CSRNP3: variants seen among roughly 807,000 people sequenced by gnomAD.
CSRNP3 encodes the protein cysteine and serine rich nuclear protein 3.
CSRNP3 carries 12 observed loss-of-function variants against 48.0 expected under a neutral mutation model. That is an observed-to-expected ratio of 0.25 (90% CI 0.16 to 0.41). The LOEUF is 0.41. Among genes scored for constraint, CSRNP3 ranks in the 10% least tolerant of loss-of-function variants. The probability of loss-of-function intolerance (pLI) is 1.00; values close to 1 mark genes in which losing one functional copy is unlikely to be tolerated. For synonymous variants in CSRNP3, 263 were observed against 269.7 expected (o/e 0.98, Z 0.24); for missense variants, 580 against 724.4 (o/e 0.80, Z 2.29).
intron 3 of CSRNP3, among the ~76,000 whole-genome samples, chr2:165,567,400 C>T (rs1443704798): frequency 1.3e-5 from 2 of 152,084 alleles, no homozygotes; most frequent in Admixed American, 6.6e-5. Context: ...TTCTCTGTGT[C>T]ACTTTGTATA....
intron 2 of CSRNP3, among the ~76,000 whole-genome samples, chr2:165,509,371 A>G (rs1684469299): frequency 6.6e-6 from 1 of 152,132 alleles, no homozygotes; most frequent in South Asian, 2.1e-4. Flanking sequence ...CAAATGTAAG[A>G]TGTCAGAAAA....
intron 4 of CSRNP3, among the ~76,000 whole-genome samples, chr2:165,623,076 A>T (rs540020285): frequency 6.6e-6 from 1 of 152,334 alleles, no homozygotes; most frequent in South Asian, 2.1e-4. Flanking sequence ...TATTTAAAAC[A>T]TAAATAAATA....
chr2:165,624,292 G>A (rs1686391323), intron 4 of CSRNP3, among the ~76,000 whole-genome samples: 1 of 152,118 alleles, frequency 6.6e-6, no homozygotes. Context: ...CTGAATATAT[G>A]CACCCCACAC....
chr2:165,548,407 A>G (rs965551558), intron 3 of CSRNP3, among the ~76,000 whole-genome samples: 1 of 152,108 alleles, frequency 6.6e-6, no homozygotes, highest in African/African-American at 2.4e-5. Flanking sequence ...TTAAATGGCA[A>G]TACTACTATC....
chr2:165,672,670 C>T (rs1204111469), intron 5 of CSRNP3, among the ~76,000 whole-genome samples: 4 of 152,136 alleles, frequency 2.6e-5, no homozygotes. Flanking sequence ...TGGCTGACTG[C>T]CTCCATTTAT....
In CSRNP3 at chr2:165,676,737, A is replaced by G; in HGVS notation, c.705+129A>G. On this transcript the variant is annotated intron_variant, in intron 6 of 6. Coordinates refer to ENST00000651982, the MANE Select transcript of CSRNP3 (RefSeq NM_001172173.2). ...AATTTTTTGGCAAGGCAAGACATGTAATTCAGGAAGAAAGACATAATTCAG... is the reference window on the plus strand; with the variant it reads ...AATTTTTTGGCAAGGCAAGACATGTGATTCAGGAAGAAAGACATAATTCAG... 3 of 675,892 alleles carry G rather than the reference A, an allele frequency of 4.4e-6. No individual in the cohort carries two copies. The South Asian group carries it at 5.7e-5, about 13-fold the overall frequency. 41.9% of individuals were successfully genotyped at this position (675,892 alleles called of 1,614,324 possible).
At chr2:165,520,788 T>TACATATATATATATATTATATAC (rs769836505) in intron 3 of CSRNP3, among the ~76,000 whole-genome samples, 22 of 9,310 alleles carry the variant, frequency 2.4e-3, no homozygotes, top group African/African-American at 0.015. Flanking sequence ...ATATATTATA[T>TACATATATATATATATTATATAC]ATATATATAT....
intron 3 of CSRNP3, among the ~76,000 whole-genome samples, chr2:165,580,444 G>C (rs1184662175): frequency 6.6e-6 from 1 of 152,094 alleles, no homozygotes; most frequent in Non-Finnish European, 1.5e-5. Flanking sequence ...TCTATATTGT[G>C]CCTAAGGTGG....
intron 3 of CSRNP3, among the ~76,000 whole-genome samples, chr2:165,568,498 T>G (rs1685326138): frequency 6.6e-6 from 1 of 152,132 alleles, no homozygotes; most frequent in African/African-American, 2.4e-5. Context: ...GAACTCCCTT[T>G]TCTCCCAGAA....
chr2:165,507,112 T>G (rs1338610301), intron 2 of CSRNP3, among the ~76,000 whole-genome samples: 1 of 152,180 alleles, frequency 6.6e-6, no homozygotes, highest in Non-Finnish European at 1.5e-5. Context: ...CTTATTAAAT[T>G]TATAAATATT....
chr2:165,520,563 T>G (rs1471454318), intron 3 of CSRNP3, among the ~76,000 whole-genome samples: 1 of 151,666 alleles, frequency 6.6e-6, no homozygotes, highest in African/African-American at 2.4e-5. Flanking sequence ...TTAAGTATTG[T>G]GATTTTTTTT....
intron 4 of CSRNP3, among the ~76,000 whole-genome samples, chr2:165,654,907 G>A (rs772832250): frequency 2.6e-5 from 4 of 152,260 alleles, no homozygotes; most frequent in Admixed American, 6.5e-5. Context: ...TGGGATTACA[G>A]GCGTCAGCCT....
chr2:165,550,786 T>C (rs1356185089), intron 3 of CSRNP3, among the ~76,000 whole-genome samples: 2 of 152,202 alleles, frequency 1.3e-5, no homozygotes, highest in African/African-American at 4.8e-5. Context: ...TGCACATGCT[T>C]ACTGGCTAGT....
At chr2:165,495,916 A>G (rs1021890053) in intron 2 of CSRNP3, among the ~76,000 whole-genome samples, 1 of 151,986 alleles carries the variant, frequency 6.6e-6, no homozygotes, top group Non-Finnish European at 1.5e-5. Flanking sequence ...TAATGGGTGT[A>G]GCAAGCCGAT....
intron 4 of CSRNP3, among the ~76,000 whole-genome samples, chr2:165,597,128 T>G (rs11890461): frequency 0.46 from 69,223 of 151,954 alleles, 15,881 homozygotes; most frequent in South Asian, 0.5. Context: ...TTTAAAATGT[T>G]ATTTCTCATG....
intron 2 of CSRNP3, among the ~76,000 whole-genome samples, chr2:165,510,726 A>G (rs930182372): frequency 1.3e-5 from 2 of 152,100 alleles, no homozygotes; most frequent in African/African-American, 2.4e-5. Flanking sequence ...TATTATTGTT[A>G]TTTTTTGGAC....
intron 5 of CSRNP3, among the ~76,000 whole-genome samples, chr2:165,660,555 T>G (rs1573951636): frequency 6.6e-6 from 1 of 152,176 alleles, no homozygotes; most frequent in Non-Finnish European, 1.5e-5. Flanking sequence ...TTTATTGTGG[T>G]GAACTCCGAG....
At chr2:165,592,687 C>T (rs1429876189) in intron 3 of CSRNP3, among the ~76,000 whole-genome samples, 1 of 152,036 alleles carries the variant, frequency 6.6e-6, no homozygotes. Context: ...TTTCTTGGAA[C>T]TTCTCTCTTC....
At chr2:165,615,393 A>G (rs1299622303) in intron 4 of CSRNP3, among the ~76,000 whole-genome samples, 1 of 151,614 alleles carries the variant, frequency 6.6e-6, no homozygotes, top group Non-Finnish European at 1.5e-5. Flanking sequence ...AATACAAAAA[A>G]TTAGCCGGGT....
Sources: allele counts gnomAD v4.1 joint callset (sites outside exome capture counted in the v4.1 genomes callset), GRCh38; gene constraint gnomAD v4.1.1; transcripts MANE v1.5; gene names NCBI Gene and HGNC (gene_info 2026-07-23, HGNC 2026-07-21).